The following ROBO1 variants were observed in gnomAD, a reference collection of about 807,000 sequenced individuals.
ROBO1 encodes the protein roundabout homolog 1.
ROBO1 carries 149 observed loss-of-function variants against 195.9 expected under a neutral mutation model. The observed-to-expected ratio is 0.76, with a 90% CI of 0.67 to 0.87. The LOEUF (loss-of-function observed/expected upper bound fraction) is 0.87. Ranked by LOEUF, ROBO1 falls within the 40% of genes least tolerant of loss-of-function variation. ROBO1 has a pLI of 0.00. For missense variants in ROBO1, 1,933 were observed against 2,068.3 expected (o/e 0.93, Z 1.27); for synonymous variants, 816 against 733.2 (o/e 1.11, Z -1.82).
intron 1 of ROBO1, among the ~76,000 whole-genome samples, chr3:79,596,573 T>C (rs1230903134): frequency 6.6e-6 from 1 of 152,112 alleles, no homozygotes; most frequent in Non-Finnish European, 1.5e-5. Flanking sequence ...TTTACCTATG[T>C]ATTAATCTAT....
At chr3:79,751,190 C>A (rs1274647921) in intron 1 of ROBO1, among the ~76,000 whole-genome samples, 1 of 152,064 alleles carries the variant, frequency 6.6e-6, no homozygotes, top group East Asian at 1.9e-4. Context: ...CTTTCTATAT[C>A]CTATATCTCA....
chr3:78,688,882 G>A (rs2081109607), intron 8 of ROBO1, 110 bp from the exon 9 acceptor site: 1 of 1,073,564 alleles, frequency 9.3e-7, no homozygotes, highest in Non-Finnish European at 1.3e-6. Flanking sequence ...AACATGTTAT[G>A]TAAAACAGTC....
At chr3:78,618,640 C>A (rs1272098915) in intron 26 of ROBO1, among the ~76,000 whole-genome samples, 3 of 151,998 alleles carry the variant, frequency 2.0e-5, no homozygotes, top group African/African-American at 7.2e-5. Context: ...AAGAGTAATT[C>A]TTCTCTGATT....
At chr3:79,264,341 A>G (rs1206342887) in intron 2 of ROBO1, among the ~76,000 whole-genome samples, 1 of 151,864 alleles carries the variant, frequency 6.6e-6, no homozygotes, top group Non-Finnish European at 1.5e-5. Flanking sequence ...TTATATATAT[A>G]TATGTATGTA....
intron 4 of ROBO1, among the ~76,000 whole-genome samples, chr3:78,926,824 A>G (rs1027926225): frequency 1.3e-5 from 2 of 152,184 alleles, no homozygotes; most frequent in Non-Finnish European, 2.9e-5. Flanking sequence ...AGCCAGATGA[A>G]TAAGAGGAAA....
chr3:79,408,133 G>A (rs896071237), intron 2 of ROBO1, among the ~76,000 whole-genome samples: 2 of 151,836 alleles, frequency 1.3e-5, no homozygotes, highest in African/African-American at 4.8e-5. Flanking sequence ...CAGGAGATTC[G>A]CTTGAACCCA....
chr3:78,646,335 T>C, intron 20 of ROBO1, 145 bp from the exon 21 acceptor site: 1 of 569,672 alleles, frequency 1.8e-6, no homozygotes, highest in Non-Finnish European at 3.1e-6. Context: ...ACGTAACAGA[T>C]TGATTCAACT....
chr3:79,388,344 C>A (rs879701601), intron 2 of ROBO1, among the ~76,000 whole-genome samples: 3 of 151,880 alleles, frequency 2.0e-5, no homozygotes, highest in Non-Finnish European at 4.4e-5. Flanking sequence ...TAGATAGAGC[C>A]AGGAATTCTA....
chr3:78,911,535 T>A (rs1018643976), intron 4 of ROBO1, among the ~76,000 whole-genome samples: 1 of 152,006 alleles, frequency 6.6e-6, no homozygotes, highest in Non-Finnish European at 1.5e-5. Flanking sequence ...GTCTGTGCAA[T>A]ACTTGGACAG....
chr3:79,025,900 G>A (rs531819295), intron 3 of ROBO1, among the ~76,000 whole-genome samples: 8 of 152,166 alleles, frequency 5.3e-5, no homozygotes, highest in African/African-American at 9.6e-5. Flanking sequence ...TGGTTGACTC[G>A]TGACTGGAAC....
At chr3:79,555,704 CT>C (rs1366227714) in intron 2 of ROBO1, among the ~76,000 whole-genome samples, 9 of 152,102 alleles carry the variant, frequency 5.9e-5, no homozygotes, top group African/African-American at 7.2e-5. Flanking sequence ...GTTAAGATTA[CT>C]GCCTATTGCC....
At chr3:79,283,951 C>G (rs1356227042) in intron 2 of ROBO1, among the ~76,000 whole-genome samples, 1 of 152,034 alleles carries the variant, frequency 6.6e-6, no homozygotes, top group Non-Finnish European at 1.5e-5. Context: ...CCCGCCTCGG[C>G]CTCCCAAAGT....
At position 79,262,810 on chromosome 3, in the gene ROBO1, T is replaced by A. The variant is rs549070611; in HGVS notation, c.89-137271A>T. ...CACAATGTAAAGTCGTTTGCCAAATTGGGAATTCCATAGTGTGCTCATACA... is the reference window on the plus strand; with the variant it reads ...CACAATGTAAAGTCGTTTGCCAAATAGGGAATTCCATAGTGTGCTCATACA... On this transcript the variant is annotated intron_variant, in intron 2 of 30. Coordinates refer to ENST00000464233, the MANE Select transcript of ROBO1 (RefSeq NM_002941.4). Among the ~76,000 whole-genome samples, 7 of 152,176 alleles carry A rather than the reference T, an allele frequency of 4.6e-5. No homozygotes were observed. The South Asian group carries it at 1.4e-3, about 31-fold the overall frequency.
At chr3:79,747,075 G>A (rs1703908475) in intron 1 of ROBO1, among the ~76,000 whole-genome samples, 1 of 151,990 alleles carries the variant, frequency 6.6e-6, no homozygotes, top group South Asian at 2.1e-4. Flanking sequence ...GGTCTAAGTA[G>A]GGAATATAAA....
At chr3:79,095,462 TG>T (rs1272692394) in intron 3 of ROBO1, among the ~76,000 whole-genome samples, 3 of 152,056 alleles carry the variant, frequency 2.0e-5, no homozygotes, top group Non-Finnish European at 4.4e-5. Flanking sequence ...GACCAGCCAC[TG>T]GTGACTAGCT....
chr3:79,137,625 C>CCAT (rs1465998826), intron 2 of ROBO1, among the ~76,000 whole-genome samples: 9 of 151,976 alleles, frequency 5.9e-5, no homozygotes, highest in African/African-American at 1.9e-4. Context: ...ATGATCCTAG[C>CCAT]CATCATCATC....
At chr3:79,715,821 C>T (rs1413847674) in intron 1 of ROBO1, among the ~76,000 whole-genome samples, 1 of 152,020 alleles carries the variant, frequency 6.6e-6, no homozygotes, top group Non-Finnish European at 1.5e-5. Flanking sequence ...AATGTCCAGA[C>T]AGAATTACAT....
At chr3:79,697,567 C>T (rs1016971810) in intron 1 of ROBO1, among the ~76,000 whole-genome samples, 1 of 150,928 alleles carries the variant, frequency 6.6e-6, no homozygotes, top group Non-Finnish European at 1.5e-5. Context: ...TAAAAAGGAA[C>T]AAATACATAA....
intron 2 of ROBO1, among the ~76,000 whole-genome samples, chr3:79,167,482 G>T (rs978800657): frequency 5.3e-5 from 8 of 151,996 alleles, no homozygotes; most frequent in Non-Finnish European, 1.2e-4. Context: ...TATAACACCT[G>T]TAATGACTGT....
Sources: gnomAD v4.1 joint callset for allele counts (sites outside exome capture counted in the v4.1 genomes callset) on GRCh38, gnomAD v4.1.1 for gene constraint, MANE v1.5 for transcripts, NCBI Gene and HGNC (gene_info 2026-07-23, HGNC 2026-07-21) for gene names.